Variants in TADA2A observed in about 807,000 individuals in gnomAD.
The protein encoded by TADA2A is transcriptional adaptor 2A, also known as transcriptional adapter 2-alpha.
Under a neutral mutation model 67.4 loss-of-function variants are expected in TADA2A, and 38 were observed. That is an observed-to-expected ratio of 0.56 (90% CI 0.44 to 0.74). The LOEUF (loss-of-function observed/expected upper bound fraction) is 0.74. TADA2A is among the 30% of genes least tolerant of loss of function. The probability of loss-of-function intolerance (pLI) is 0.00; values close to 1 mark genes in which losing one functional copy is unlikely to be tolerated. For missense variants in TADA2A, 454 were observed against 547.0 expected, an observed-to-expected ratio of 0.83 and a Z score of 1.70; for synonymous variants, 192 against 181.6, an observed-to-expected ratio of 1.06 and a Z score of -0.46.
intron 7 of TADA2A, among the ~76,000 whole-genome samples, chr17:37,444,259 CAAAAA>C (rs5820215): frequency 7.6e-6 from 1 of 132,082 alleles, no homozygotes; most frequent in African/African-American, 2.9e-5. Context: ...ACCCTGTTTC[CAAAAA>C]AAAAAAAAAA....
chr17:37,467,644 C>T (rs745615525), intron 12 of TADA2A, 119 bp downstream of exon 12: 8 of 803,318 alleles, frequency 1.0e-5, no homozygotes, highest in Non-Finnish European at 1.6e-5. Flanking sequence ...TACCAGAATG[C>T]TTTAAACCTT....
chr17:37,427,817 A>G (rs1219135543), intron 4 of TADA2A, among the ~76,000 whole-genome samples: 2 of 152,082 alleles, frequency 1.3e-5, no homozygotes, highest in East Asian at 1.9e-4. Flanking sequence ...CCCTGTCTCT[A>G]TTAAGAATAC....
At chr17:37,437,876 A>G (rs773024100) in intron 5 of TADA2A, 47 bp downstream of exon 5, 1 of 1,547,614 alleles carries the variant, frequency 6.5e-7, no homozygotes, top group African/African-American at 1.4e-5. Context: ...GGACTCAGAG[A>G]AGAAGCTGTT....
At chr17:37,471,209 A>G in intron 14 of TADA2A, 72 bp downstream of exon 14, 12 of 1,491,508 alleles carry the variant, frequency 8.0e-6, no homozygotes, top group Non-Finnish European at 9.3e-6. Flanking sequence ...TGACCCAGCA[A>G]TCTTCCTTCC....
At chr17:37,411,113 C>G (rs962814624) in intron 1 of TADA2A, among the ~76,000 whole-genome samples, 156 bp from the exon 2 acceptor site, 3 of 152,162 alleles carry the variant, frequency 2.0e-5, no homozygotes, top group Admixed American at 2.0e-4. Context: ...CACTGTTATA[C>G]CCACTACAGA....
At chr17:37,448,591 C>G (rs1399029807) in intron 8 of TADA2A, among the ~76,000 whole-genome samples, 1 of 151,934 alleles carries the variant, frequency 6.6e-6, no homozygotes, top group Non-Finnish European at 1.5e-5. Context: ...ATCTCTTTCC[C>G]CATCTCCTTT....
chr17:37,423,651 T>C (rs2052314341), intron 3 of TADA2A, 36 bp downstream of exon 3: 2 of 1,474,978 alleles, frequency 1.4e-6, no homozygotes, highest in South Asian at 2.4e-5. Flanking sequence ...TAGCCTAGTT[T>C]TATGCTATTT....
chr17:37,426,686 AAAAC>A, intron 3 of TADA2A: 5 of 242,622 alleles, frequency 2.1e-5, no homozygotes, highest in Non-Finnish European at 2.3e-5. Context: ...AAAAAAAAAA[AAAAC>A]TTGTCAAGAA....
chr17:37,455,424 C>T (rs1433493670), intron 8 of TADA2A, among the ~76,000 whole-genome samples: 1 of 151,890 alleles, frequency 6.6e-6, no homozygotes, highest in Non-Finnish European at 1.5e-5. Flanking sequence ...CTCTGTCGCC[C>T]AGGCTGGAGT....
intron 1 of TADA2A, among the ~76,000 whole-genome samples, chr17:37,410,724 T>C (rs2051839092): frequency 6.6e-6 from 1 of 152,220 alleles, no homozygotes; most frequent in Admixed American, 6.5e-5. Context: ...CCAACTGCCT[T>C]CTGTCCTTTC....
intron 12 of TADA2A, among the ~76,000 whole-genome samples, chr17:37,469,369 C>G (rs886648392): frequency 6.6e-6 from 1 of 151,908 alleles, no homozygotes. Flanking sequence ...CACGGTGGCT[C>G]ACACCTGTAA....
intron 4 of TADA2A, among the ~76,000 whole-genome samples, chr17:37,437,292 T>C (rs1161828923): frequency 1.3e-5 from 2 of 151,126 alleles, no homozygotes; most frequent in Non-Finnish European, 1.5e-5. Flanking sequence ...GGGGTTTCAC[T>C]GTGTTAGCCA....
At chr17:37,468,443 G>C (rs2053714095) in intron 12 of TADA2A, among the ~76,000 whole-genome samples, 1 of 152,150 alleles carries the variant, frequency 6.6e-6, no homozygotes, top group African/African-American at 2.4e-5. Flanking sequence ...TTAAGAGCTT[G>C]GGTCTAGACT....
chr17:37,478,240 GAATT>G lies in TADA2A; in HGVS notation c.*1265_*1268del, dbSNP rs2053929205. ...ATATAACATGTCTCTGTTATTTTTA[GAATT>G]AATTAAAATGTTTTGCTATTTAATT... On this transcript the variant is annotated 3_prime_UTR_variant, in exon 16 of 16. Transcript: ENST00000615182. The G allele has an allele frequency of 6.6e-6, 1 of 152,128 alleles. No homozygotes were observed. The highest frequency in any genetic ancestry group is 2.4e-5 in the African/African-American group (1 of 41,430). 9.4% of individuals were successfully genotyped at this position (152,128 alleles called of 1,614,324 possible). A position where few individuals can be genotyped will look rare whatever the true frequency, so the allele number is the denominator to read the frequency against.
intron 8 of TADA2A, 98 bp downstream of exon 8, chr17:37,444,866 G>A: frequency 9.1e-7 from 1 of 1,103,382 alleles, no homozygotes; most frequent in Non-Finnish European, 1.3e-6. Context: ...CATGTCCCCT[G>A]CCCTTATAGA....
chr17:37,442,699 G>C, intron 7 of TADA2A, 47 bp downstream of exon 7: 1 of 1,563,816 alleles, frequency 6.4e-7, no homozygotes, highest in Non-Finnish European at 8.8e-7. Flanking sequence ...ATTCATTTTT[G>C]TTTCTCATGA....
intron 2 of TADA2A, among the ~76,000 whole-genome samples, chr17:37,418,672 AC>A (rs1277478439): frequency 6.8e-6 from 1 of 146,644 alleles, no homozygotes; most frequent in Admixed American, 6.8e-5. Context: ...GCTCACTGCA[AC>A]CTCCCCCTCC....
chr17:37,420,241 G>T (rs2052190478), intron 2 of TADA2A, among the ~76,000 whole-genome samples: 1 of 146,244 alleles, frequency 6.8e-6, no homozygotes, highest in Non-Finnish European at 1.5e-5. Context: ...CTTGAGGCTG[G>T]AAGTTTGAGA....
rs561322602 is a variant in TADA2A at position 37,417,396 on chromosome 17, G to A, written c.25+6006G>A. Among the ~76,000 whole-genome samples, 4 of 151,944 alleles carry A rather than the reference G, an allele frequency of 2.6e-5. No homozygotes were observed. In the South Asian group the frequency reaches 8.3e-4, roughly 32 times the overall value. On this transcript the variant is annotated intron_variant, in intron 2 of 15. Transcript: ENST00000615182. ...GTCTCAAAAAAAAAAAATTAGCTGG[G>A]CATGGTGGCATGCACCTGTAGTCCC...
Sources: gnomAD v4.1 joint callset for allele counts (sites outside exome capture counted in the v4.1 genomes callset) on GRCh38, gnomAD v4.1.1 for gene constraint, MANE v1.5 for transcripts, NCBI Gene and HGNC (gene_info 2026-07-23, HGNC 2026-07-21) for gene names.